The following PGGHG variants were observed in gnomAD, a reference collection of about 807,000 sequenced individuals.
PGGHG encodes protein-glucosylgalactosylhydroxylysine glucosidase, also known as ATH1, acid trehalase-like 1.
A neutral mutation model predicts 74.5 loss-of-function variants in PGGHG; 67 were observed. That is an observed-to-expected ratio of 0.90 (90% CI 0.74 to 1.10). PGGHG has a LOEUF of 1.10. Among genes scored for constraint, PGGHG ranks in the 50% least tolerant of loss-of-function variants. The probability of loss-of-function intolerance (pLI) is 0.00; values close to 1 mark genes in which losing one functional copy is unlikely to be tolerated. For synonymous variants in PGGHG, 496 were observed against 419.9 expected (o/e 1.18, Z -2.21); for missense variants, 1,034 against 981.5 (o/e 1.05, Z -0.72).
At chr11:290,124 T>A in intron 2 of PGGHG, 49 bp downstream of exon 2, 1 of 1,482,278 alleles carries the variant, frequency 6.7e-7, no homozygotes, top group East Asian at 2.5e-5. Flanking sequence ...TTGTTCCAGG[T>A]CGGTGGGGCA....
chr11:293,154 T>G lies in PGGHG; in HGVS notation c.1271-9T>G, dbSNP rs779185127. On this transcript the variant is annotated splice_polypyrimidine_tract_variant and intron_variant, in intron 7 of 13. Coordinates refer to ENST00000409548, the MANE Select transcript of PGGHG (RefSeq NM_025092.5). ...TGCACTGAGCACCATCTTGGACTTGTGTGTCCAGGAGTCATGTCCCCCGAC... is the reference window on the plus strand; with the variant it reads ...TGCACTGAGCACCATCTTGGACTTGGGTGTCCAGGAGTCATGTCCCCCGAC... 1 of 1,613,928 alleles carries G rather than the reference T, an allele frequency of 6.2e-7. No individual in the cohort carries two copies. The highest frequency in any genetic ancestry group is 8.5e-7 in the Non-Finnish European group (1 of 1,179,994).
chr11:293,948 C>T (rs1845802441), intron 11 of PGGHG, 23 bp downstream of exon 11: 6 of 1,604,204 alleles, frequency 3.7e-6, no homozygotes, highest in African/African-American at 2.7e-5. Flanking sequence ...ACACCTGCCT[C>T]CCACTGGGCC....
chr11:291,868 G>C (rs1590285872), intron 4 of PGGHG, 108 bp from the exon 5 acceptor site: 2 of 1,440,546 alleles, frequency 1.4e-6, no homozygotes, highest in South Asian at 2.9e-5. Flanking sequence ...AGCCGAGGAG[G>C]AACCCAGAAG....
chr11:290,846 C>T lies in PGGHG; in HGVS notation c.639C>T (p.Ala213=), dbSNP rs1339820875. 6 of 1,612,032 alleles carry T rather than the reference C, an allele frequency of 3.7e-6. No homozygotes were observed. Among genetic ancestry groups the T allele is most frequent in the South Asian group, 3.3e-5 (3 of 90,916 alleles). Residue 213 remains alanine (A), a synonymous_variant, in exon 4 of 14, where the codon GCC becomes GCT. Coordinates refer to ENST00000409548, the MANE Select transcript of PGGHG (RefSeq NM_025092.5). Reference sequence around the variant, plus strand: ...GCGGCAGCCAGGCTGAGGCTCAGGCCTGCCTCACTGAGGCCCTGCAGCTGC... The same window carrying T: ...GCGGCAGCCAGGCTGAGGCTCAGGCTTGCCTCACTGAGGCCCTGCAGCTGC... ...AVGGSQAEAQ[A]CLTEALQLQA...
At position 291,002 on chromosome 11, in the gene PGGHG, T is replaced by G; in HGVS notation, c.795T>G (p.Ser265Arg). ...ALRGSLYYLL[S>R]ALPQPKAPGY... ...GTGGCTCCCTCTACTACCTGCTCAG[T>G]GCCCTGCCCCAGCCCAAGGCCCCAG... Residue 265 changes from serine (S) to arginine (R), a missense_variant, in exon 4 of 14, where the codon AGT (serine) becomes AGG (arginine). Coordinates refer to ENST00000409548, the MANE Select transcript of PGGHG (RefSeq NM_025092.5). The G allele has an allele frequency of 6.2e-7, 1 of 1,612,578 alleles. No homozygotes were observed. The highest frequency in any genetic ancestry group is 8.5e-7 in the Non-Finnish European group (1 of 1,179,964).
At chr11:290,223 C>G (rs1055751401) in intron 2 of PGGHG, 148 bp downstream of exon 2, 4 of 1,376,364 alleles carry the variant, frequency 2.9e-6, no homozygotes, top group South Asian at 2.9e-5. Flanking sequence ...CAGGGTCCCC[C>G]CTTCCCTCCA....
At position 294,375 on chromosome 11, in the gene PGGHG, C is replaced by A. The variant is rs75303154; in HGVS notation, c.1917C>A (p.Ser639=). The change falls in exon 13 of 14, where the codon TCC becomes TCA. Residue 639 remains serine, a synonymous_variant. Coordinates refer to ENST00000409548, the MANE Select transcript of PGGHG (RefSeq NM_025092.5). ...YQGNKLNFSF[S]EDSVTVEVTA... is the part of the protein sequence containing the mutation. ...GGAACAAGCTCAACTTCTCTTTTTC[C>A]GAGGACTCCGTGACCGTGGAGGTCA... The A allele has an allele frequency of 6.2e-7, 1 of 1,612,922 alleles. No individual in the cohort carries two copies. Among genetic ancestry groups the A allele is most frequent in the African/African-American group, 1.3e-5 (1 of 74,866 alleles).
Position 291,124 on chromosome 11 carries a change from T to C in PGGHG, c.906+11T>C, listed in dbSNP as rs1294784791. On this transcript the variant is annotated intron_variant, in intron 4 of 13. Transcript: ENST00000409548. ...GTCTTCTGGGACCAGGTGAGCACTG[T>C]ACACCCAGCACCAGCCACACAGCAG... 6.4e-7 allele frequency: 1 copy of C among 1,551,962 alleles called. No homozygotes were observed. Among genetic ancestry groups the C allele is most frequent in the South Asian group, 1.2e-5 (1 of 82,202 alleles).
In PGGHG at chr11:295,001, C is replaced by T. The variant is rs767917550; in HGVS notation, c.*252C>T. The stretch of plus-strand genomic sequence containing the variant: ...CTGCCCCTGTGGACTGATGCTATCG[C>T]GCACCGTCCCACGACCCCACCCCGA... On this transcript the variant is annotated 3_prime_UTR_variant, in exon 14 of 14. Coordinates refer to ENST00000409548, the MANE Select transcript of PGGHG (RefSeq NM_025092.5). 1.4e-3 allele frequency: 586 copies of T among 432,160 alleles called. 1 individual carries two copies. Among genetic ancestry groups the T allele is most frequent in the Non-Finnish European group, 2.0e-3 (497 of 245,728 alleles). 26.8% of individuals were successfully genotyped at this position (432,160 alleles called of 1,614,324 possible). A position where few individuals can be genotyped will look rare whatever the true frequency, so the allele number is the denominator to read the frequency against.
At position 290,009 on chromosome 11, in the gene PGGHG, C is replaced by T. The variant is rs1256900626; in HGVS notation, c.193C>T (p.Arg65Trp). ...RAMLPSPLNV[R>W]LEAPAGMGEQ... Reference sequence around the variant, plus strand: ...CATGCTGCCCAGCCCCCTCAACGTCCGGCTGGAGGCCCCTGCAGGGATGGG... The same window carrying T: ...CATGCTGCCCAGCCCCCTCAACGTCTGGCTGGAGGCCCCTGCAGGGATGGG... Residue 65 changes from arginine (R) to tryptophan (W), a missense_variant, in exon 2 of 14, where the codon CGG becomes TGG. Arg to Trp is a moderately radical substitution (Grantham distance 101, BLOSUM62 -3). Coordinates refer to ENST00000409548, the MANE Select transcript of PGGHG (RefSeq NM_025092.5). The T allele has an allele frequency of 3.2e-6, 5 of 1,547,330 alleles. No homozygotes were observed. The highest frequency in any genetic ancestry group is 2.7e-5 in the African/African-American group (2 of 73,058).
rs1845848739 is a variant in PGGHG, at chr11:295,677, T to C, written c.*928T>C. 1 of 152,372 alleles carries C rather than the reference T, an allele frequency of 6.6e-6. No homozygotes were observed. The highest frequency in any genetic ancestry group is 6.5e-5 in the Admixed American group (1 of 15,288). The allele number at this position is 152,372 out of a possible 1,614,324, so 9.4% of individuals were successfully genotyped here. On this transcript the variant is annotated 3_prime_UTR_variant, in exon 14 of 14. Transcript: ENST00000409548. Reference sequence around the variant, plus strand: ...TAAAGCTTTGGTGCTGGGGAGAGCATTATTCCTCTGAGGAGCCGCTGTGCT... The same window carrying C: ...TAAAGCTTTGGTGCTGGGGAGAGCACTATTCCTCTGAGGAGCCGCTGTGCT...
chr11:295,081 C>T lies in PGGHG; in HGVS notation c.*332C>T, dbSNP rs77726029. On this transcript the variant is annotated 3_prime_UTR_variant, in exon 14 of 14. Transcript: ENST00000409548. ...CACCTCTGGCCTCTCATCCCCCACT[C>T]TCCTGAGAGCAGTGGTCACAGCGGC... The T allele has an allele frequency of 8.6e-3, 1,972 of 228,954 alleles. 29 individuals carry two copies. The highest frequency in any genetic ancestry group is 0.054 in the South Asian group (330 of 6,156). 14.2% of individuals were successfully genotyped at this position (228,954 alleles called of 1,614,324 possible).
rs767033864 is a variant in PGGHG at position 293,445 on chromosome 11, A to T, written c.1423A>T (p.Lys475Ter). ...GTGGCTGGCGGTGGCTGACAAGATCAAGGTACCCTTTGACGTGGAGCAGAA... is the reference window on the plus strand; with the variant it reads ...GTGGCTGGCGGTGGCTGACAAGATCTAGGTACCCTTTGACGTGGAGCAGAA... ...SQWLAVADKI[K>*]VPFDVEQNFH... The change falls in exon 9 of 14, where the codon AAG becomes TAG. Residue 475 changes from lysine to a stop codon, truncating the protein, a stop_gained. Transcript: ENST00000409548. LOFTEE classifies it high-confidence loss of function. 2.5e-6 allele frequency: 4 copies of T among 1,612,260 alleles called. No homozygotes were observed. The South Asian group carries it at 4.4e-5, about 18-fold the overall frequency.
At position 295,004 on chromosome 11, in the gene PGGHG, A is replaced by C; in HGVS notation, c.*255A>C. ...CCCCTGTGGACTGATGCTATCGCGC[A>C]CCGTCCCACGACCCCACCCCGAGCT... On this transcript the variant is annotated 3_prime_UTR_variant, in exon 14 of 14. Transcript: ENST00000409548. 1 of 424,752 alleles carries C rather than the reference A, an allele frequency of 2.4e-6. No individual in the cohort carries two copies. The highest frequency in any genetic ancestry group is 4.1e-6 in the Non-Finnish European group (1 of 241,334). The allele number at this position is 424,752 out of a possible 1,614,324, so 26.3% of individuals were successfully genotyped here.
rs1239035834 is a variant in PGGHG, at chr11:293,441, G to A, written c.1419G>A (p.Lys473=). Residue 473 remains lysine (K), a synonymous_variant, in exon 9 of 14, where the codon AAG becomes AAA. Coordinates refer to ENST00000409548, the MANE Select transcript of PGGHG (RefSeq NM_025092.5). ...GCCAGTGGCTGGCGGTGGCTGACAA[G>A]ATCAAGGTACCCTTTGACGTGGAGC... is the stretch of plus-strand genomic sequence containing the variant. ...IPSQWLAVAD[K]IKVPFDVEQN... 2.5e-6 allele frequency: 4 copies of A among 1,612,438 alleles called. No individual in the cohort carries two copies. The highest frequency in any genetic ancestry group is 2.5e-6 in the Non-Finnish European group (3 of 1,180,002).
In PGGHG at chr11:294,424, C is replaced by T; in HGVS notation, c.1966C>T (p.Pro656Ser). ...EVTARAGPWA[P>S]HLEAELWPSQ... ...CACAGCTCGAGCAGGGCCCTGGGCT[C>T]CTCACCTGGAGGCTGAGCTGTGGCC... Residue 656 changes from proline (P) to serine (S), a missense_variant, in exon 13 of 14, where the codon CCT becomes TCT. Pro to Ser is a moderately conservative substitution (Grantham distance 74). Coordinates refer to ENST00000409548, the MANE Select transcript of PGGHG (RefSeq NM_025092.5). 3 of 1,570,356 alleles carry T rather than the reference C, an allele frequency of 1.9e-6. No individual in the cohort carries two copies. The highest frequency in any genetic ancestry group is 2.6e-6 in the Non-Finnish European group (3 of 1,156,204).
In PGGHG at chr11:295,258, A is replaced by C. The variant is rs923137095; in HGVS notation, c.*509A>C. On this transcript the variant is annotated 3_prime_UTR_variant, in exon 14 of 14. Transcript: ENST00000409548. ...CAAAAAGGAACTTTTCATGTCATGC[A>C]GTTGAGGGGACTTAGTCTCAATCCC... 6.6e-6 allele frequency: 1 copy of C among 152,600 alleles called. No individual in the cohort carries two copies. The highest frequency in any genetic ancestry group is 6.5e-5 in the Admixed American group (1 of 15,298). The allele number at this position is 152,600 out of a possible 1,614,324, so 9.5% of individuals were successfully genotyped here. A position where few individuals can be genotyped will look rare whatever the true frequency, so the allele number is the denominator to read the frequency against.
In PGGHG at chr11:290,533, C is replaced by T. The variant is rs1319508399; in HGVS notation, c.403C>T (p.Arg135Trp). ...PGSGPITLLL[R>W]SAFSPESPDL... ...GAGCGGGCCCATCACGCTGCTCCTG[C>T]GGTCAGCCTTCTCCCCAGAAAGCCC... is the stretch of plus-strand genomic sequence containing the variant. Residue 135 changes from arginine to tryptophan, a missense_variant, in exon 3 of 14, where the codon CGG becomes TGG. Transcript: ENST00000409548. 4.5e-6 allele frequency: 7 copies of T among 1,550,538 alleles called. No homozygotes were observed. The highest frequency in any genetic ancestry group is 3.9e-5 in the Admixed American group (2 of 51,008).
chr11:292,463 C>A lies in PGGHG; in HGVS notation c.1027-83C>A, dbSNP rs1028268965. The A allele has an allele frequency of 1.9e-6, 3 of 1,553,846 alleles. No individual in the cohort carries two copies. The African/African-American group carries it at 4.1e-5, about 21-fold the overall frequency. ...ACCTGGCGCAGGCCGAGCCCCCCCT[C>A]CTCCAGGGCGAGGGCACGGGAAAGT... is the stretch of plus-strand genomic sequence containing the variant. On this transcript the variant is annotated intron_variant, in intron 5 of 13. Coordinates refer to ENST00000409548, the MANE Select transcript of PGGHG (RefSeq NM_025092.5).
Sources: allele counts gnomAD v4.1 joint callset, GRCh38; gene constraint gnomAD v4.1.1; transcripts MANE v1.5; gene names NCBI Gene and HGNC (gene_info 2026-07-23, HGNC 2026-07-21).